The following TMEM184B variants were observed in gnomAD, a reference collection of about 807,000 sequenced individuals.
TMEM184B encodes the protein transmembrane protein 184B.
A neutral mutation model predicts 41.8 loss-of-function variants in TMEM184B; 17 were observed. That is an observed-to-expected ratio of 0.41 (90% CI 0.28 to 0.61). The LOEUF (loss-of-function observed/expected upper bound fraction) is 0.61, where lower values mean the gene tolerates loss of function less well. Among genes scored for constraint, TMEM184B ranks in the 20% least tolerant of loss-of-function variants. TMEM184B has a pLI of 0.34. For missense variants in TMEM184B, 393 were observed against 557.8 expected, an observed-to-expected ratio of 0.70 and a Z score of 2.98; for synonymous variants, 240 against 229.5, an observed-to-expected ratio of 1.05 and a Z score of -0.41.
At chr22:38,258,046 G>A (rs1181209678) in intron 1 of TMEM184B, among the ~76,000 whole-genome samples, 1 of 152,136 alleles carries the variant, frequency 6.6e-6, no homozygotes, top group East Asian at 1.9e-4. Flanking sequence ...GCCAGTGAGT[G>A]CAGTCTCCAC....
chr22:38,222,039 C>T, intron 8 of TMEM184B: 1 of 368,178 alleles, frequency 2.7e-6, no homozygotes, highest in South Asian at 2.9e-5. Flanking sequence ...CCCAGAGAGG[C>T]CAGAGCAGGC....
At chr22:38,245,785 T>A in intron 3 of TMEM184B, 150 bp downstream of exon 3, 2 of 816,550 alleles carry the variant, frequency 2.4e-6, no homozygotes, top group Non-Finnish European at 3.8e-6. Flanking sequence ...CTGTTACCTG[T>A]CAATTTGGGA....
rs193301458 is a variant in TMEM184B at position 38,253,614 on chromosome 22, C to A, written c.-58-5595G>T. Among the ~76,000 whole-genome samples, 1,103 of 152,052 alleles carry A rather than the reference C, an allele frequency of 7.3e-3. 4 individuals carry two copies. Among genetic ancestry groups the A allele is most frequent in the Non-Finnish European group, 0.012 (792 of 67,960 alleles). On this transcript the variant is annotated intron_variant, in intron 1 of 8. Coordinates refer to ENST00000361906, the MANE Select transcript of TMEM184B (RefSeq NM_012264.5). ...AAATAATAAAAAACCTTAACATAAA[C>A]CCTTACACATATACAAAAATTAATT...
intron 1 of TMEM184B, among the ~76,000 whole-genome samples, chr22:38,252,992 A>G (rs1038536047): frequency 5.9e-5 from 9 of 152,000 alleles, no homozygotes; most frequent in African/African-American, 2.2e-4. Context: ...AATACAAAAA[A>G]TTAGCCGGGC....
At chr22:38,224,730 T>A in intron 8 of TMEM184B, 55 bp downstream of exon 8, 2 of 1,507,256 alleles carry the variant, frequency 1.3e-6, no homozygotes, top group Non-Finnish European at 1.8e-6. Context: ...GGTCCTGGGA[T>A]GTTTGGGGCT....
At chr22:38,250,552 G>C (rs1185064028) in intron 1 of TMEM184B, among the ~76,000 whole-genome samples, 3 of 152,234 alleles carry the variant, frequency 2.0e-5, no homozygotes, top group Non-Finnish European at 4.4e-5. Flanking sequence ...ACCAGTGCCA[G>C]AAATATTTCT....
Position 38,219,854 on chromosome 22 carries a change from C to A in TMEM184B, c.*1615G>T, listed in dbSNP as rs925214375. The A allele has an allele frequency of 2.0e-6, 2 of 985,338 alleles. No individual in the cohort carries two copies. Among genetic ancestry groups the A allele is most frequent in the African/African-American group, 1.7e-5 (1 of 57,224 alleles). 61.0% of individuals were successfully genotyped at this position (985,338 alleles called of 1,614,324 possible). A position where few individuals can be genotyped will look rare whatever the true frequency, so the allele number is the denominator to read the frequency against. On this transcript the variant is annotated 3_prime_UTR_variant, in exon 9 of 9. Coordinates refer to ENST00000361906, the MANE Select transcript of TMEM184B (RefSeq NM_012264.5). Reference sequence around the variant, plus strand: ...CTTGGGCCCAACTGCTCCGCCCCCCCAAGATGGAGGGGGAGAGCTGGCCTC... The same window carrying A: ...CTTGGGCCCAACTGCTCCGCCCCCCAAAGATGGAGGGGGAGAGCTGGCCTC...
At chr22:38,242,102 C>A (rs576242336) in intron 3 of TMEM184B, among the ~76,000 whole-genome samples, 2 of 151,994 alleles carry the variant, frequency 1.3e-5, no homozygotes, top group African/African-American at 4.8e-5. Flanking sequence ...CGTGTTTCAA[C>A]CATATGCCTA....
rs904662121 is a variant in TMEM184B at position 38,220,327 on chromosome 22, G to A, written c.*1142C>T. The A allele has an allele frequency of 1.0e-5, 10 of 986,166 alleles. No individual in the cohort carries two copies. In the Admixed American group the frequency reaches 3.1e-4, roughly 30 times the overall value. The allele number at this position is 986,166 out of a possible 1,614,324, so 61.1% of individuals were successfully genotyped here. ...GCCAGCAGCTGAACTAAGAGCCCCA[G>A]GGAGCGTGTGGGACAGATGGGGAGC... On this transcript the variant is annotated 3_prime_UTR_variant, in exon 9 of 9. Transcript: ENST00000361906.
chr22:38,272,980 C>G lies in TMEM184B; in HGVS notation c.-155G>C. On this transcript the variant is annotated 5_prime_UTR_variant, in exon 1 of 9. Coordinates refer to ENST00000361906, the MANE Select transcript of TMEM184B (RefSeq NM_012264.5). ...GGCGCCGCAGCCCCGGAGTCTCCGC[C>G]GCCGCCGGCGCGTCCCGGGCCCAGT... 1 of 222,796 alleles carries G rather than the reference C, an allele frequency of 4.5e-6. No individual in the cohort carries two copies. The highest frequency in any genetic ancestry group is 7.5e-6 in the Non-Finnish European group (1 of 133,522). 13.8% of individuals were successfully genotyped at this position (222,796 alleles called of 1,614,324 possible).
intron 3 of TMEM184B, among the ~76,000 whole-genome samples, chr22:38,242,358 G>C (rs1457240736): frequency 6.6e-6 from 1 of 151,902 alleles, no homozygotes; most frequent in Non-Finnish European, 1.5e-5. Context: ...TGTGCCTGTA[G>C]TCCCAGCTAC....
At chr22:38,233,180 C>T (rs998941054) in intron 3 of TMEM184B, among the ~76,000 whole-genome samples, 3 of 152,210 alleles carry the variant, frequency 2.0e-5, no homozygotes, top group Admixed American at 6.5e-5. Context: ...TTATGCTACT[C>T]ACGGTTGCCC....
chr22:38,248,105 C>A, intron 1 of TMEM184B, 86 bp from the exon 2 acceptor site: 1 of 1,442,976 alleles, frequency 6.9e-7, no homozygotes, highest in Non-Finnish European at 9.1e-7. Context: ...CCACCCACCT[C>A]CTGACCATGT....
Position 38,220,091 on chromosome 22 carries a change from G to T in TMEM184B, c.*1378C>A. 1.0e-6 allele frequency: 1 copy of T among 985,470 alleles called. No homozygotes were observed. The highest frequency in any genetic ancestry group is 1.2e-6 in the Non-Finnish European group (1 of 829,960). The allele number at this position is 985,470 out of a possible 1,614,324, so 61.0% of individuals were successfully genotyped here. On this transcript the variant is annotated 3_prime_UTR_variant, in exon 9 of 9. Transcript: ENST00000361906. ...CAGCCCAAACCCAGGGATAATCTGG[G>T]TTTTAAATGCCAGGACACTTTGCCT...
At chr22:38,271,901 TCA>T (rs1941914717) in intron 1 of TMEM184B, among the ~76,000 whole-genome samples, 1 of 152,214 alleles carries the variant, frequency 6.6e-6, no homozygotes, top group Admixed American at 6.5e-5. Flanking sequence ...GTCAACGAAG[TCA>T]CACCTCTGAG....
downstream of TMEM184B, among the ~76,000 whole-genome samples, chr22:38,216,738 C>A (rs1248148370): frequency 1.3e-5 from 2 of 152,010 alleles, no homozygotes; most frequent in East Asian, 3.9e-4. Flanking sequence ...GCCATGGGCA[C>A]AATGAAATTT....
At position 38,225,603 on chromosome 22, in the gene TMEM184B, G is replaced by T. The variant is rs774748913; in HGVS notation, c.618-10C>A. 6.2e-7 allele frequency: 1 copy of T among 1,601,204 alleles called. No homozygotes were observed. Among genetic ancestry groups the T allele is most frequent in the Admixed American group, 1.8e-5 (1 of 57,022 alleles). On this transcript the variant is annotated splice_polypyrimidine_tract_variant and intron_variant, in intron 6 of 8. Coordinates refer to ENST00000361906, the MANE Select transcript of TMEM184B (RefSeq NM_012264.5). This position sits in a 1 kb window ranked among gnomAD's most constrained non-coding sequence, Gnocchi z 4.4. ...GTAGCCACTGGTGACGCTGCGGGACGGGGAGCATTTTCTGGCTGGGACAGA... is the reference window on the plus strand; with the variant it reads ...GTAGCCACTGGTGACGCTGCGGGACTGGGAGCATTTTCTGGCTGGGACAGA...
In TMEM184B at chr22:38,221,722, G is replaced by T. The variant is rs758568685; in HGVS notation, c.983-12C>A. ...GGGGGCACAGCGGCCTGCCGGGCAG[G>T]GAGCGGGAGGGGCAGGTGAGGAGGC... On this transcript the variant is annotated splice_polypyrimidine_tract_variant and intron_variant, in intron 8 of 8. Coordinates refer to ENST00000361906, the MANE Select transcript of TMEM184B (RefSeq NM_012264.5). 1.9e-5 allele frequency: 30 copies of T among 1,612,720 alleles called. No individual in the cohort carries two copies. Among genetic ancestry groups the T allele is most frequent in the Non-Finnish European group, 2.5e-5 (30 of 1,179,624 alleles).
intron 1 of TMEM184B, 25 bp downstream of exon 1, chr22:38,272,858 CG>C: frequency 1.0e-6 from 1 of 955,878 alleles, no homozygotes; most frequent in Non-Finnish European, 1.2e-6. Context: ...TTGGGGCTCC[CG>C]GGCGAGGCCG....
Sources: gnomAD v4.1 joint callset for allele counts (sites outside exome capture counted in the v4.1 genomes callset) on GRCh38, gnomAD v4.1.1 for gene constraint, Gnocchi (gnomAD v3.1) non-coding constraint, MANE v1.5 for transcripts, NCBI Gene and HGNC (gene_info 2026-07-23, HGNC 2026-07-21) for gene names.